The following GRM5 variants were observed in gnomAD, a reference collection of about 807,000 sequenced individuals.
The protein encoded by GRM5 is metabotropic glutamate receptor 5.
In GRM5, 19 loss-of-function variants were observed where a neutral mutation model predicts 83.1. The observed-to-expected ratio is 0.23, with a 90% CI of 0.16 to 0.34. GRM5 has a LOEUF of 0.34. Ranked by LOEUF, GRM5 falls within the 10% of genes least tolerant of loss-of-function variation. The pLI is 1.00. For synonymous variants in GRM5, 675 were observed against 633.6 expected, an observed-to-expected ratio of 1.07 and a Z score of -0.98; for missense variants, 1,160 against 1,588.3, an observed-to-expected ratio of 0.73 and a Z score of 4.58.
At chr11:88,957,566 G>C (rs539917713) in intron 2 of GRM5, among the ~76,000 whole-genome samples, 72 of 152,278 alleles carry the variant, frequency 4.7e-4, no homozygotes, top group Non-Finnish European at 4.1e-4. Flanking sequence ...TGGAGATTGA[G>C]ACATCACTAT....
At chr11:88,527,892 G>A (rs1591325070) in intron 8 of GRM5, among the ~76,000 whole-genome samples, 1 of 151,890 alleles carries the variant, frequency 6.6e-6, no homozygotes, top group South Asian at 2.1e-4. Flanking sequence ...CACTGAGTAC[G>A]CATGGACACA....
chr11:88,844,321 T>A (rs1378212730), intron 3 of GRM5, among the ~76,000 whole-genome samples: 1 of 151,574 alleles, frequency 6.6e-6, no homozygotes, highest in Non-Finnish European at 1.5e-5. Flanking sequence ...TAAAGCATGG[T>A]TTACTGAATA....
intron 8 of GRM5, among the ~76,000 whole-genome samples, chr11:88,559,191 A>G (rs1189122133): frequency 1.3e-5 from 2 of 152,142 alleles, no homozygotes; most frequent in African/African-American, 4.8e-5. Context: ...TCTATTCACA[A>G]TCAAATTTGG....
intron 2 of GRM5, among the ~76,000 whole-genome samples, chr11:88,873,337 T>G (rs1944800380): frequency 6.6e-6 from 1 of 151,572 alleles, no homozygotes; most frequent in African/African-American, 2.4e-5. Context: ...TTTACATAGT[T>G]AAGCCACACT....
At chr11:88,929,377 A>G (rs1366681828) in intron 2 of GRM5, among the ~76,000 whole-genome samples, 2 of 152,202 alleles carry the variant, frequency 1.3e-5, no homozygotes, top group African/African-American at 4.8e-5. Flanking sequence ...TTATTATTAA[A>G]CATGAATGAA....
chr11:88,735,669 T>A (rs1941897144), intron 3 of GRM5, among the ~76,000 whole-genome samples: 1 of 152,032 alleles, frequency 6.6e-6, no homozygotes, highest in Non-Finnish European at 1.5e-5. Context: ...TGCATTGACA[T>A]CTGTCTGTGT....
At position 88,604,796 on chromosome 11, in the gene GRM5, T is replaced by G; in HGVS notation, c.1316A>C (p.Glu439Ala). The G allele has an allele frequency of 6.2e-7, 1 of 1,613,008 alleles. No homozygotes were observed. The highest frequency in any genetic ancestry group is 8.5e-7 in the Non-Finnish European group (1 of 1,178,980). ...MKPIDGRKLL[E>A]SLMKTNFTGV... ...AGTAAAATTGGTTTTCATCAGGGACTCCAAAAGTTTCCGTCCATCAATTGG... is the reference window on the plus strand; with the variant it reads ...AGTAAAATTGGTTTTCATCAGGGACGCCAAAAGTTTCCGTCCATCAATTGG... The change falls in exon 5 of 10, where the codon GAG becomes GCG. Residue 439 changes from glutamate (E) to alanine (A), a missense_variant. Coordinates refer to ENST00000305447, the MANE Select transcript of GRM5 (RefSeq NM_001143831.3).
At chr11:89,049,106 A>G (rs973664260) in intron 1 of GRM5, among the ~76,000 whole-genome samples, 6 of 152,198 alleles carry the variant, frequency 3.9e-5, no homozygotes, top group Non-Finnish European at 8.8e-5. Flanking sequence ...AGAGTCTTCA[A>G]AGTAATTACA....
intron 2 of GRM5, among the ~76,000 whole-genome samples, chr11:88,972,957 T>C (rs1939212930): frequency 1.3e-5 from 2 of 152,100 alleles, no homozygotes; most frequent in Admixed American, 6.6e-5. Context: ...ACATTACAAA[T>C]GGAGTCACAT....
chr11:89,032,184 C>T (rs1941277980), intron 2 of GRM5, among the ~76,000 whole-genome samples: 2 of 151,988 alleles, frequency 1.3e-5, no homozygotes, highest in South Asian at 4.1e-4. Flanking sequence ...TGTTTTCTAG[C>T]AGTAGCAGCA....
chr11:88,637,033 G>A lies in GRM5; in HGVS notation c.1147+16135C>T, dbSNP rs547573783. Among the ~76,000 whole-genome samples, 399 of 152,172 alleles carry A rather than the reference G, an allele frequency of 2.6e-3. 3 individuals are homozygous for A. The highest frequency in any genetic ancestry group is 9.0e-3 in the African/African-American group (372 of 41,504). On this transcript the variant is annotated intron_variant, in intron 4 of 9. Coordinates refer to ENST00000305447, the MANE Select transcript of GRM5 (RefSeq NM_001143831.3). ...TGGCTTAGGATTGACTTGGCAATGCGGGCTCTTTTTTGGTTCCATATGAAC... is the reference window on the plus strand; with the variant it reads ...TGGCTTAGGATTGACTTGGCAATGCAGGCTCTTTTTTGGTTCCATATGAAC...
intron 3 of GRM5, among the ~76,000 whole-genome samples, chr11:88,764,433 A>G (rs1007595958): frequency 6.6e-6 from 1 of 151,732 alleles, no homozygotes; most frequent in Non-Finnish European, 1.5e-5. Flanking sequence ...GACATTTTCC[A>G]GAATAAAATA....
intron 4 of GRM5, among the ~76,000 whole-genome samples, chr11:88,613,730 T>C (rs1938391692): frequency 6.6e-6 from 1 of 152,200 alleles, no homozygotes; most frequent in Non-Finnish European, 1.5e-5. Context: ...TATTGTGCTA[T>C]TAGCTGCTAA....
intron 8 of GRM5, among the ~76,000 whole-genome samples, chr11:88,544,194 A>C (rs998655353): frequency 2.6e-5 from 4 of 152,150 alleles, no homozygotes; most frequent in Non-Finnish European, 4.4e-5. Context: ...CTGAGAAATA[A>C]ATTTCATTTA....
chr11:89,015,525 T>G lies in GRM5; in HGVS notation c.661+31687A>C, dbSNP rs551597724. On this transcript the variant is annotated intron_variant, in intron 2 of 9. Coordinates refer to ENST00000305447, the MANE Select transcript of GRM5 (RefSeq NM_001143831.3). Reference sequence around the variant, plus strand: ...AGTCACTCATAAAAAAAACTTTTTTTCTGGATATTAGTCTGCCCTCGTGGA... The same window carrying G: ...AGTCACTCATAAAAAAAACTTTTTTGCTGGATATTAGTCTGCCCTCGTGGA... 5.9e-5 allele frequency among the ~76,000 whole-genome samples: 9 copies of G among 152,320 alleles called. No homozygotes were observed. The East Asian group carries it at 1.7e-3, about 29-fold the overall frequency.
chr11:88,917,894 G>A (rs1014531777), intron 2 of GRM5, among the ~76,000 whole-genome samples: 4 of 152,062 alleles, frequency 2.6e-5, no homozygotes, highest in African/African-American at 9.7e-5. Flanking sequence ...GACAGAAAGA[G>A]AGATTGGGGT....
chr11:88,578,694 GA>G (rs2135189530), intron 7 of GRM5, among the ~76,000 whole-genome samples: 1 of 152,192 alleles, frequency 6.6e-6, no homozygotes, highest in South Asian at 2.1e-4. Context: ...CTTGTAGGAA[GA>G]AAATTATTAA....
chr11:88,637,520 A>G (rs1018528259), intron 4 of GRM5, among the ~76,000 whole-genome samples: 1 of 152,002 alleles, frequency 6.6e-6, no homozygotes, highest in Non-Finnish European at 1.5e-5. Flanking sequence ...TTCTCAAAAG[A>G]AGACATTTAT....
At chr11:88,949,618 CA>C (rs1938391058) in intron 2 of GRM5, among the ~76,000 whole-genome samples, 1 of 151,862 alleles carries the variant, frequency 6.6e-6, no homozygotes, top group South Asian at 2.1e-4. Flanking sequence ...TAAAATATAC[CA>C]AATGTAAAAA....
Sources: gnomAD v4.1 joint callset for allele counts (sites outside exome capture counted in the v4.1 genomes callset) on GRCh38, gnomAD v4.1.1 for gene constraint, MANE v1.5 for transcripts, NCBI Gene and HGNC (gene_info 2026-07-23, HGNC 2026-07-21) for gene names.